Variants in SNX9 observed in about 807,000 individuals in gnomAD.
The protein encoded by SNX9 is sorting nexin-9.
SNX9 carries 44 observed loss-of-function variants against 89.4 expected under a neutral mutation model. That is an observed-to-expected ratio of 0.49 (90% CI 0.39 to 0.63). The LOEUF (loss-of-function observed/expected upper bound fraction) is 0.63. Ranked by LOEUF, SNX9 falls within the 30% of genes least tolerant of loss-of-function variation. The pLI is 0.00. For missense variants in SNX9, 578 were observed against 736.1 expected (o/e 0.79, Z 2.49); for synonymous variants, 236 against 247.8 (o/e 0.95, Z 0.45).
intron 13 of SNX9, 43 bp from the exon 14 acceptor site, chr6:157,935,921 A>G: frequency 2.2e-6 from 3 of 1,382,494 alleles, no homozygotes; most frequent in Non-Finnish European, 3.0e-6. Flanking sequence ...TGAAAAGAAA[A>G]TATGCATAAC....
Position 157,896,988 on chromosome 6 carries a change from C to A in SNX9, c.462C>A (p.Tyr154Ter). The change falls in exon 5 of 18, where the codon TAC (tyrosine) becomes TAA (stop). Residue 154 changes from tyrosine (Y) to a stop codon, truncating the protein, a stop_gained. Coordinates refer to ENST00000392185, the MANE Select transcript of SNX9 (RefSeq NM_016224.5). LOFTEE classifies it high-confidence loss of function. ...WDTAFGHPQA[Y>*]QGPATGDDDD... ...CTGCCTTCGGCCACCCCCAGGCCTA[C>A]CAAGGACCAGGTGAGGAGAGGGGTG... 6.3e-7 allele frequency: 1 copy of A among 1,598,168 alleles called. No individual in the cohort carries two copies. The highest frequency in any genetic ancestry group is 8.5e-7 in the Non-Finnish European group (1 of 1,175,010).
At chr6:157,837,674 G>GA (rs1442075689) in intron 1 of SNX9, among the ~76,000 whole-genome samples, 1 of 152,172 alleles carries the variant, frequency 6.6e-6, no homozygotes, top group Non-Finnish European at 1.5e-5. Flanking sequence ...ATCTACCTCT[G>GA]AATAATCAAA....
intron 1 of SNX9, among the ~76,000 whole-genome samples, chr6:157,832,704 A>C (rs1781499961): frequency 6.6e-6 from 1 of 152,202 alleles, no homozygotes; most frequent in Admixed American, 6.5e-5. Flanking sequence ...GAAAACCCTT[A>C]TAAAACCATC....
At chr6:157,867,918 C>T (rs771459368) in intron 2 of SNX9, among the ~76,000 whole-genome samples, 4 of 152,090 alleles carry the variant, frequency 2.6e-5, no homozygotes, top group African/African-American at 4.8e-5. Flanking sequence ...GTATCTTCTT[C>T]GATATGTTTA....
intron 1 of SNX9, among the ~76,000 whole-genome samples, chr6:157,833,222 T>G (rs1781508680): frequency 6.6e-6 from 1 of 152,202 alleles, no homozygotes; most frequent in East Asian, 1.9e-4. Flanking sequence ...TTTTTTATGT[T>G]TTAGTTTGTT....
chr6:157,857,539 G>A (rs943375421), intron 1 of SNX9, among the ~76,000 whole-genome samples: 1 of 151,960 alleles, frequency 6.6e-6, no homozygotes, highest in Non-Finnish European at 1.5e-5. Flanking sequence ...TTTTCCTTCA[G>A]ATAGTTACTT....
chr6:157,832,767 C>T (rs902710826), intron 1 of SNX9, among the ~76,000 whole-genome samples: 9 of 152,154 alleles, frequency 5.9e-5, no homozygotes, highest in African/African-American at 1.9e-4. Flanking sequence ...CCCCATGATT[C>T]AATTACCCCC....
intron 17 of SNX9, among the ~76,000 whole-genome samples, chr6:157,941,254 C>CTTA (rs1784030148): frequency 6.6e-6 from 1 of 152,144 alleles, no homozygotes; most frequent in African/African-American, 2.4e-5. Flanking sequence ...TTCCCCCCGT[C>CTTA]ACAGCCTCTC....
At chr6:157,928,519 G>A (rs1411831498) in intron 11 of SNX9, 80 bp from the exon 12 acceptor site, 5 of 1,061,092 alleles carry the variant, frequency 4.7e-6, no homozygotes, top group Non-Finnish European at 7.1e-6. Context: ...ACAAGTGTCT[G>A]TGGTTATATT....
At chr6:157,850,875 G>A (rs1055971870) in intron 1 of SNX9, among the ~76,000 whole-genome samples, 5 of 152,306 alleles carry the variant, frequency 3.3e-5, no homozygotes, top group Middle Eastern at 6.8e-3. Flanking sequence ...TAAGGCTAAC[G>A]CCATAGAAGG....
At chr6:157,834,769 G>A (rs763493058) in intron 1 of SNX9, among the ~76,000 whole-genome samples, 3 of 152,074 alleles carry the variant, frequency 2.0e-5, no homozygotes, top group Admixed American at 6.6e-5. Context: ...GTGATGTGAC[G>A]TTCAACCTGG....
intron 1 of SNX9, among the ~76,000 whole-genome samples, chr6:157,854,665 A>G (rs1781974589): frequency 6.6e-6 from 1 of 152,206 alleles, no homozygotes; most frequent in South Asian, 2.1e-4. Flanking sequence ...TTGTTGTATT[A>G]ATAAAAGTGT....
chr6:157,829,377 T>C (rs1261578847), intron 1 of SNX9: 2 of 152,314 alleles, frequency 1.3e-5, no homozygotes, highest in Non-Finnish European at 2.9e-5. Flanking sequence ...TTAAAATCAA[T>C]ACTGTACCTG....
intron 5 of SNX9, among the ~76,000 whole-genome samples, chr6:157,898,872 A>C (rs1783034578): frequency 6.6e-6 from 1 of 152,338 alleles, no homozygotes; most frequent in East Asian, 1.9e-4. Flanking sequence ...GCCTGTCAGC[A>C]GGACCAGGGG....
intron 17 of SNX9, 145 bp downstream of exon 17, chr6:157,941,119 T>A (rs1257122521): frequency 4.5e-6 from 3 of 671,182 alleles, no homozygotes; most frequent in Non-Finnish European, 7.6e-6. Flanking sequence ...AGGATTTTTT[T>A]AATCTCCTAA....
chr6:157,907,342 T>C lies in SNX9; in HGVS notation c.705+1130T>C, dbSNP rs3792937. Among the ~76,000 whole-genome samples the C allele has an allele frequency of 2.3e-3, 351 of 152,180 alleles. 12 individuals carry two copies. The East Asian group carries it at 0.055, about 24-fold the overall frequency. ...TGTCACCCAGGCTGGAGTGCAGTGG[T>C]GTGATCTTGGCTCACTGCAACCTCT... On this transcript the variant is annotated intron_variant, in intron 7 of 17. Coordinates refer to ENST00000392185, the MANE Select transcript of SNX9 (RefSeq NM_016224.5).
chr6:157,851,958 T>C (rs1776746834), intron 1 of SNX9, among the ~76,000 whole-genome samples: 1 of 152,334 alleles, frequency 6.6e-6, no homozygotes, highest in South Asian at 2.1e-4. Flanking sequence ...TAATGTAGCA[T>C]GTATCCGAAC....
rs944665393 is a variant in SNX9 at position 157,872,971 on chromosome 6, G to A, written c.100-131G>A. 5.6e-6 allele frequency: 3 copies of A among 532,850 alleles called. No individual in the cohort carries two copies. In the African/African-American group the frequency reaches 5.8e-5, roughly 10 times the overall value. The allele number at this position is 532,850 out of a possible 1,614,324, so 33.0% of individuals were successfully genotyped here. A position where few individuals can be genotyped will look rare whatever the true frequency, so the allele number is the denominator to read the frequency against. ...GCTTAAGAATTTAAGATTTTGAACG[G>A]TGTTCTCTAGGAATGAAAAGCTTAA... On this transcript the variant is annotated intron_variant, in intron 2 of 17. Coordinates refer to ENST00000392185, the MANE Select transcript of SNX9 (RefSeq NM_016224.5).
At chr6:157,928,265 C>T (rs1237314820) in intron 11 of SNX9, among the ~76,000 whole-genome samples, 2 of 152,062 alleles carry the variant, frequency 1.3e-5, no homozygotes, top group Non-Finnish European at 1.5e-5. Flanking sequence ...ATTAGCAACC[C>T]CTGTTATTCT....
Sources: gnomAD v4.1 joint callset for allele counts (sites outside exome capture counted in the v4.1 genomes callset) on GRCh38, gnomAD v4.1.1 for gene constraint, MANE v1.5 for transcripts, NCBI Gene and HGNC (gene_info 2026-07-23, HGNC 2026-07-21) for gene names.